Variants in CTNNA3 observed in about 807,000 individuals in gnomAD.
The protein encoded by CTNNA3 is catenin alpha 3.
Under a neutral mutation model 95.7 loss-of-function variants are expected in CTNNA3, and 76 were observed. The ratio of observed to expected loss-of-function variants is 0.79; its 90% CI spans 0.66 to 0.96. The LOEUF (loss-of-function observed/expected upper bound fraction) is 0.96. Among genes scored for constraint, CTNNA3 ranks in the 40% least tolerant of loss-of-function variants. The probability of loss-of-function intolerance (pLI) is 0.00; values close to 1 mark genes in which losing one functional copy is unlikely to be tolerated. For missense variants in CTNNA3, 1,191 were observed against 1,089.8 expected, an observed-to-expected ratio of 1.09 and a Z score of -1.31; for synonymous variants, 431 against 374.4, an observed-to-expected ratio of 1.15 and a Z score of -1.74.
intron 10 of CTNNA3, among the ~76,000 whole-genome samples, chr10:66,611,231 T>C (rs1844318438): frequency 1.3e-5 from 2 of 151,964 alleles, no homozygotes; most frequent in Admixed American, 6.6e-5. Flanking sequence ...AGTAGGAAAA[T>C]TATAATTGAC....
intron 15 of CTNNA3, among the ~76,000 whole-genome samples, chr10:66,052,176 C>G (rs1314143821): frequency 6.6e-6 from 1 of 152,052 alleles, no homozygotes; most frequent in African/African-American, 2.4e-5. Flanking sequence ...AGAAGGCATT[C>G]TTACATTTTA....
At chr10:66,492,533 G>C (rs1839960539) in intron 11 of CTNNA3, among the ~76,000 whole-genome samples, 1 of 151,116 alleles carries the variant, frequency 6.6e-6, no homozygotes, top group Admixed American at 6.6e-5. Flanking sequence ...GCTCATAAAT[G>C]ATTTAAACTT....
In CTNNA3 at chr10:66,189,285, A is replaced by C. The variant is rs570882649; in HGVS notation, c.1885-86036T>G. On this transcript the variant is annotated intron_variant, in intron 13 of 17. Transcript: ENST00000433211. The stretch of plus-strand genomic sequence containing the variant: ...TTGGAGTTCTATCAAAAAAAAAAAA[A>C]AAAACATTGTTAAGACCAATGTCAA... 3.3e-3 allele frequency among the ~76,000 whole-genome samples: 508 copies of C among 151,880 alleles called. 9 individuals carry two copies. The highest frequency in any genetic ancestry group is 0.012 in the African/African-American group (480 of 41,458).
intron 7 of CTNNA3, among the ~76,000 whole-genome samples, chr10:66,934,440 T>C (rs1431933443): frequency 6.6e-6 from 1 of 152,112 alleles, no homozygotes; most frequent in East Asian, 1.9e-4. Flanking sequence ...AGAGCAGCAT[T>C]ATCTCCAAAA....
intron 6 of CTNNA3, among the ~76,000 whole-genome samples, chr10:67,193,733 C>T (rs933563592): frequency 5.3e-5 from 8 of 152,002 alleles, no homozygotes; most frequent in African/African-American, 1.9e-4. Flanking sequence ...CTTTATCCAG[C>T]CTATCATTGG....
At chr10:66,097,632 T>C (rs2133719486) in intron 14 of CTNNA3, among the ~76,000 whole-genome samples, 1 of 152,252 alleles carries the variant, frequency 6.6e-6, no homozygotes, top group South Asian at 2.1e-4. Flanking sequence ...AGTAGTTCTA[T>C]AAAAGGCAAG....
At chr10:66,061,321 T>C (rs1472046024) in intron 15 of CTNNA3, among the ~76,000 whole-genome samples, 1 of 152,136 alleles carries the variant, frequency 6.6e-6, no homozygotes. Context: ...CAGAAATGGC[T>C]ACATCAAGTT....
chr10:66,661,010 A>C (rs184318153), intron 9 of CTNNA3, among the ~76,000 whole-genome samples: 53 of 152,240 alleles, frequency 3.5e-4, no homozygotes, highest in Non-Finnish European at 6.5e-4. Flanking sequence ...TTGGTATATT[A>C]AGTGCTCAGT....
chr10:66,569,724 T>A (rs1842812104), intron 10 of CTNNA3, among the ~76,000 whole-genome samples: 1 of 152,130 alleles, frequency 6.6e-6, no homozygotes, highest in African/African-American at 2.4e-5. Context: ...TACAGTCAGC[T>A]ATTATCTACA....
intron 10 of CTNNA3, among the ~76,000 whole-genome samples, chr10:66,590,002 TAAG>T (rs1843493588): frequency 6.6e-6 from 1 of 151,970 alleles, no homozygotes; most frequent in Admixed American, 6.6e-5. Context: ...TTGAAAGGAG[TAAG>T]ATTTTTTGAA....
chr10:65,952,806 G>T (rs185521635), intron 17 of CTNNA3, among the ~76,000 whole-genome samples: 1 of 152,070 alleles, frequency 6.6e-6, no homozygotes, highest in African/African-American at 2.4e-5. Context: ...GCAGTTGCTT[G>T]GCGAATTTTC....
At chr10:66,709,058 T>A (rs1015965342) in intron 9 of CTNNA3, among the ~76,000 whole-genome samples, 1 of 152,116 alleles carries the variant, frequency 6.6e-6, no homozygotes, top group Non-Finnish European at 1.5e-5. Context: ...CCAGGAAGGA[T>A]CTGGCATTTG....
At chr10:66,382,677 C>T (rs1298133349) in intron 11 of CTNNA3, among the ~76,000 whole-genome samples, 1 of 152,182 alleles carries the variant, frequency 6.6e-6, no homozygotes, top group Non-Finnish European at 1.5e-5. Flanking sequence ...AGACACCTCC[C>T]AGTAGAGGCC....
chr10:66,611,374 C>G (rs570589099), intron 10 of CTNNA3, among the ~76,000 whole-genome samples: 1 of 151,840 alleles, frequency 6.6e-6, no homozygotes, highest in South Asian at 2.1e-4. Flanking sequence ...TTTATGTATC[C>G]AAATATCATA....
chr10:66,617,760 G>A (rs1844577256), intron 10 of CTNNA3, among the ~76,000 whole-genome samples: 1 of 151,934 alleles, frequency 6.6e-6, no homozygotes, highest in African/African-American at 2.4e-5. Flanking sequence ...AGGAAAAGAG[G>A]AAGTCAAACT....
chr10:67,221,149 A>C (rs777596077), intron 5 of CTNNA3, among the ~76,000 whole-genome samples: 4 of 152,220 alleles, frequency 2.6e-5, no homozygotes, highest in Non-Finnish European at 4.4e-5. Context: ...AACCATTATT[A>C]ATAGTTAATA....
At chr10:66,900,401 C>T (rs1384376070) in intron 7 of CTNNA3, among the ~76,000 whole-genome samples, 1 of 152,070 alleles carries the variant, frequency 6.6e-6, no homozygotes, top group African/African-American at 2.4e-5. Flanking sequence ...TAGATAAAAC[C>T]ACAAAGATGG....
intron 12 of CTNNA3, among the ~76,000 whole-genome samples, chr10:66,327,571 G>A (rs915066208): frequency 2.6e-5 from 4 of 151,924 alleles, no homozygotes; most frequent in South Asian, 2.1e-4. Context: ...TGCCATTGTC[G>A]TTCAAATTTT....
chr10:67,250,290 A>T (rs867067772), intron 5 of CTNNA3, among the ~76,000 whole-genome samples: 43 of 151,400 alleles, frequency 2.8e-4, no homozygotes, highest in Middle Eastern at 3.4e-3. Flanking sequence ...GTCTCAGCTC[A>T]CTGCCACCTC....
Sources: allele counts gnomAD v4.1 joint callset (sites outside exome capture counted in the v4.1 genomes callset), GRCh38; gene constraint gnomAD v4.1.1; transcripts MANE v1.5; gene names NCBI Gene and HGNC (gene_info 2026-07-23, HGNC 2026-07-21).